The following IDO1 variants were observed in gnomAD, a reference collection of about 807,000 sequenced individuals.
The protein encoded by IDO1 is indolamine 2,3 dioxygenase.
A neutral mutation model predicts 38.8 loss-of-function variants in IDO1; 35 were observed. The observed-to-expected ratio is 0.90, with a 90% CI of 0.69 to 1.20. The LOEUF (loss-of-function observed/expected upper bound fraction) is 1.20, where lower values mean the gene tolerates loss of function less well. Among genes scored for constraint, IDO1 ranks in the 50% most tolerant of loss-of-function variants. IDO1 has a pLI of 0.00. For synonymous variants in IDO1, 171 were observed against 170.0 expected (o/e 1.01, Z -0.05); for missense variants, 509 against 485.1 (o/e 1.05, Z -0.46).
In IDO1 at chr8:39,920,443, G is replaced by A. The variant is rs190814023; in HGVS notation, c.437+329G>A. ...ACTCCCATGTCCATAACTAGTTACCGGTGTCAATAAGTAACCATATACCAA... is the reference window on the plus strand; with the variant it reads ...ACTCCCATGTCCATAACTAGTTACCAGTGTCAATAAGTAACCATATACCAA... On this transcript the variant is annotated intron_variant, in intron 5 of 9. Transcript: ENST00000518237. Among the ~76,000 whole-genome samples, 352 of 152,138 alleles carry A rather than the reference G, an allele frequency of 2.3e-3. 1 individual carries two copies. The highest frequency in any genetic ancestry group is 4.4e-3 in the Non-Finnish European group (296 of 68,014).
intron 5 of IDO1, among the ~76,000 whole-genome samples, chr8:39,920,420 TC>T (rs1375095245): frequency 1.3e-5 from 2 of 152,192 alleles, no homozygotes; most frequent in African/African-American, 4.8e-5. Flanking sequence ...ATTTAATAAC[TC>T]CCATGTCCAT....
rs145495554 is a variant in IDO1, at chr8:39,919,981, A to G, written c.423-119A>G. On this transcript the variant is annotated intron_variant, in intron 4 of 9. Coordinates refer to ENST00000518237, the MANE Select transcript of IDO1 (RefSeq NM_002164.6). ...TTTAATAAGCTTTTTCTTTTTACCTATGTCTTACCTCTGATAGTAGCATTC... is the reference window on the plus strand; with the variant it reads ...TTTAATAAGCTTTTTCTTTTTACCTGTGTCTTACCTCTGATAGTAGCATTC... The G allele has an allele frequency of 1.9e-4, 162 of 852,850 alleles. No individual in the cohort carries two copies. The East Asian group carries it at 3.7e-3, about 20-fold the overall frequency. The allele number at this position is 852,850 out of a possible 1,614,324, so 52.8% of individuals were successfully genotyped here. A position where few individuals can be genotyped will look rare whatever the true frequency, so the allele number is the denominator to read the frequency against.
chr8:39,919,887 C>G (rs1807246463), intron 4 of IDO1, among the ~76,000 whole-genome samples: 1 of 152,142 alleles, frequency 6.6e-6, no homozygotes, highest in African/African-American at 2.4e-5. Context: ...ATGTGTGTTC[C>G]TTGCATATTT....
chr8:39,915,886 TG>T (rs1218207831), intron 1 of IDO1, among the ~76,000 whole-genome samples: 33 of 152,076 alleles, frequency 2.2e-4, no homozygotes, highest in Admixed American at 1.6e-3. Context: ...GATTCTCGGC[TG>T]GGGACGGGTG....
chr8:39,925,262 T>A lies in IDO1; in HGVS notation c.747T>A (p.Tyr249Ter). ...GNPQLSDGLV[Y>*]EGFWEDPKEF... ...CCCAGCTATCAGACGGTCTGGTGTA[T>A]GAAGGGTTCTGGGAAGACCCAAAGG... is the stretch of plus-strand genomic sequence containing the variant. The change falls in exon 9 of 10, where the codon TAT becomes TAA. Residue 249 changes from tyrosine to a stop codon, truncating the protein, a stop_gained. Coordinates refer to ENST00000518237, the MANE Select transcript of IDO1 (RefSeq NM_002164.6). LOFTEE classifies it high-confidence loss of function. The A allele has an allele frequency of 6.2e-7, 1 of 1,613,002 alleles. No homozygotes were observed. Among genetic ancestry groups the A allele is most frequent in the Non-Finnish European group, 8.5e-7 (1 of 1,179,526 alleles).
At chr8:39,921,659 G>T (rs1354908655) in intron 5 of IDO1, among the ~76,000 whole-genome samples, 2 of 152,070 alleles carry the variant, frequency 1.3e-5, no homozygotes, top group African/African-American at 2.4e-5. Context: ...TGCAGAGATG[G>T]TCTGGCTTCA....
intron 3 of IDO1, 191 bp downstream of exon 3, chr8:39,918,398 T>C: frequency 3.5e-6 from 2 of 578,254 alleles, no homozygotes; most frequent in Admixed American, 6.3e-5. Flanking sequence ...TTTAGTCTTT[T>C]ACTTCATTTT....
chr8:39,918,999 T>C, intron 4 of IDO1, 66 bp downstream of exon 4: 1 of 972,960 alleles, frequency 1.0e-6, no homozygotes, highest in Non-Finnish European at 1.7e-6. Context: ...ACAGGGGTTG[T>C]TCATTGGCTT....
chr8:39,923,060 C>G (rs746866781), intron 6 of IDO1: 24 of 217,068 alleles, frequency 1.1e-4, no homozygotes, highest in Admixed American at 1.6e-4. Flanking sequence ...AATAGAGTGT[C>G]CAGCCCAGGA....
At chr8:39,926,645 TTTC>T (rs1250151213) in intron 9 of IDO1, among the ~76,000 whole-genome samples, 1 of 152,196 alleles carries the variant, frequency 6.6e-6, no homozygotes, top group Non-Finnish European at 1.5e-5. Context: ...AACATGAGTT[TTTC>T]TTAATTTGAG....
At chr8:39,919,599 G>T (rs1807238378) in intron 4 of IDO1, among the ~76,000 whole-genome samples, 1 of 152,068 alleles carries the variant, frequency 6.6e-6, no homozygotes, top group Non-Finnish European at 1.5e-5. Flanking sequence ...TGTGCCTGTA[G>T]AAAAATATTC....
intron 4 of IDO1, 36 bp from the exon 5 acceptor site, chr8:39,920,064 C>G: frequency 1.2e-6 from 2 of 1,600,402 alleles, no homozygotes; most frequent in East Asian, 2.2e-5. Context: ...TTTCTCTCTT[C>G]CAATTGGTCC....
In IDO1 at chr8:39,922,904, G is replaced by A. The variant is rs750237431; in HGVS notation, c.537+253G>A. On this transcript the variant is annotated intron_variant, in intron 6 of 9. Coordinates refer to ENST00000518237, the MANE Select transcript of IDO1 (RefSeq NM_002164.6). ...AAAATTTTCAATAAAATCTGGCTTT[G>A]GAACTATGATACAGTGTCATAAATT... 220 of 488,870 alleles carry A rather than the reference G, an allele frequency of 4.5e-4. 1 individual carries two copies. Among genetic ancestry groups the A allele is most frequent in the Non-Finnish European group, 7.3e-4 (202 of 277,112 alleles). 30.3% of individuals were successfully genotyped at this position (488,870 alleles called of 1,614,324 possible).
Position 39,925,205 on chromosome 8 carries a change from C to G in IDO1, c.708-18C>G. 1 of 1,553,910 alleles carries G rather than the reference C, an allele frequency of 6.4e-7. No homozygotes were observed. The highest frequency in any genetic ancestry group is 8.7e-7 in the Non-Finnish European group (1 of 1,153,838). ...CCTAAAGAATGATTTTTCTTTTTTT[C>G]TTTCTTTCCTCTGATAGCTGGAAAG... On this transcript the variant is annotated intron_variant, in intron 8 of 9. Transcript: ENST00000518237.
rs376621895 is a variant in IDO1, at chr8:39,928,021, G to A, written c.1048G>A (p.Val350Met). 1.1e-5 allele frequency: 18 copies of A among 1,607,258 alleles called. No homozygotes were observed. Among genetic ancestry groups the A allele is most frequent in the African/African-American group, 8.0e-5 (6 of 74,938 alleles). The change falls in exon 10 of 10, where the codon GTG becomes ATG. Residue 350 changes from valine (V) to methionine (M), a missense_variant. Physicochemically the swap from Val to Met is conservative, Grantham distance 21. Transcript: ENST00000518237. Reference protein sequence around the residue: ...VSLRSYHLQIVTKYILIPASQ... With the variant: ...VSLRSYHLQIMTKYILIPASQ... ...CCTGAGGAGCTACCATCTGCAAATC[G>A]TGACTAAGTACATCCTGATTCCTGC... is the stretch of plus-strand genomic sequence containing the variant.
intron 7 of IDO1, chr8:39,923,955 T>C (rs1807319526): frequency 6.4e-6 from 1 of 155,512 alleles, no homozygotes; most frequent in Non-Finnish European, 1.4e-5. Flanking sequence ...TTCTGCTTGA[T>C]AAGAACTCCT....
chr8:39,928,237 C>T lies in IDO1; in HGVS notation c.*52C>T. The T allele has an allele frequency of 8.0e-7, 1 of 1,247,968 alleles. No homozygotes were observed. The highest frequency in any genetic ancestry group is 1.4e-5 in the South Asian group (1 of 70,534). 77.3% of individuals were successfully genotyped at this position (1,247,968 alleles called of 1,614,324 possible). ...CATAGCAGAGACATCTGTATGCATT[C>T]CTGTCATTACCCATTGTAACAGAGC... On this transcript the variant is annotated 3_prime_UTR_variant, in exon 10 of 10. Coordinates refer to ENST00000518237, the MANE Select transcript of IDO1 (RefSeq NM_002164.6).
chr8:39,915,148 A>G (rs1159439964), intron 1 of IDO1, among the ~76,000 whole-genome samples: 1 of 152,178 alleles, frequency 6.6e-6, no homozygotes, highest in Non-Finnish European at 1.5e-5. Context: ...TGTAGCTAGC[A>G]AGTGCCAGAG....
At chr8:39,915,740 G>A (rs1472172595) in intron 1 of IDO1, 1 of 151,978 alleles carries the variant, frequency 6.6e-6, no homozygotes, top group Non-Finnish European at 1.5e-5. Context: ...CATGGGTTTT[G>A]TTTCTCAGAT....
Sources: allele counts gnomAD v4.1 joint callset (sites outside exome capture counted in the v4.1 genomes callset), GRCh38; gene constraint gnomAD v4.1.1; transcripts MANE v1.5; gene names NCBI Gene and HGNC (gene_info 2026-07-23, HGNC 2026-07-21).